TRPM2: variants seen among roughly 807,000 people sequenced by gnomAD.
The protein encoded by TRPM2 is transient receptor potential cation channel subfamily M member 2.
Under a neutral mutation model 174.0 loss-of-function variants are expected in TRPM2, and 161 were observed. That is an observed-to-expected ratio of 0.93 (90% CI 0.81 to 1.05). The LOEUF (loss-of-function observed/expected upper bound fraction) is 1.05. Among genes scored for constraint, TRPM2 ranks in the 50% least tolerant of loss-of-function variants. The pLI is 0.00. For missense variants in TRPM2, 2,057 were observed against 2,038.0 expected (o/e 1.01, Z -0.18); for synonymous variants, 954 against 861.3 (o/e 1.11, Z -1.88).
At position 44,353,745 on chromosome 21, in the gene TRPM2, G is replaced by A; in HGVS notation, c.45G>A (p.Glu15=). 3 of 1,589,536 alleles carry A rather than the reference G, an allele frequency of 1.9e-6. No homozygotes were observed. Among genetic ancestry groups the A allele is most frequent in the Non-Finnish European group, 8.5e-7 (1 of 1,170,274 alleles). The change falls in exon 1 of 32, where the codon GAG becomes GAA. Residue 15 remains glutamate, a synonymous_variant. Transcript: ENST00000397928. Reference sequence around the variant, plus strand: ...GGAAAGCTGGCTCGGAGCAGGAGGAGGGCTTTGAGGGGCTGCCCAGAAGGG... The same window carrying A: ...GGAAAGCTGGCTCGGAGCAGGAGGAAGGCTTTGAGGGGCTGCCCAGAAGGG... ...ALRKAGSEQE[E]GFEGLPRRVT...
At position 44,391,575 on chromosome 21, in the gene TRPM2, CACA is replaced by C. The variant is rs1569052678; in HGVS notation, c.1747_1749del (p.Asn583del). The C allele has an allele frequency of 1.3e-5, 21 of 1,592,132 alleles. No homozygotes were observed. Among genetic ancestry groups the C allele is most frequent in the Non-Finnish European group, 1.7e-5 (20 of 1,175,148 alleles). On this transcript the variant is annotated inframe_deletion, in exon 11 of 32. Coordinates refer to ENST00000397928, the MANE Select transcript of TRPM2 (RefSeq NM_003307.4). This position sits in a 1 kb window ranked among gnomAD's most constrained non-coding sequence, Gnocchi z 5.0. ...GCAGCCGCTTTATCCCCGGCCCCGG[CACA>C]ACGACCGGCTGCGGCTCCTGCTGCC...
Position 44,397,886 on chromosome 21 carries a change from G to T in TRPM2, c.2062+10G>T. ...GAGCACAGAGCCATCGGTGAGCTCT[G>T]CCGGGCACGGGCTGCAGGCCATGGC... On this transcript the variant is annotated intron_variant, in intron 13 of 31. Coordinates refer to ENST00000397928, the MANE Select transcript of TRPM2 (RefSeq NM_003307.4). 1 of 1,588,178 alleles carries T rather than the reference G, an allele frequency of 6.3e-7. No homozygotes were observed. The highest frequency in any genetic ancestry group is 8.6e-7 in the Non-Finnish European group (1 of 1,167,578).
intron 9 of TRPM2, among the ~76,000 whole-genome samples, chr21:44,386,645 A>G (rs972164890): frequency 3.3e-5 from 5 of 152,188 alleles, no homozygotes; most frequent in African/African-American, 1.2e-4. Context: ...GGAAGCCTTA[A>G]TATTGTTAAG....
chr21:44,399,644 A>T lies in TRPM2; in HGVS notation c.2208+203A>T, dbSNP rs554840269. Among the ~76,000 whole-genome samples the T allele has an allele frequency of 6.6e-6, 1 of 152,182 alleles. No homozygotes were observed. The highest frequency in any genetic ancestry group is 2.4e-5 in the African/African-American group (1 of 41,450). On this transcript the variant is annotated intron_variant, in intron 14 of 31. Transcript: ENST00000397928. This position sits in a 1 kb window ranked among gnomAD's most constrained non-coding sequence, Gnocchi z 4.6. ...GATGGGGGGAAGCTAACATGAAGCA[A>T]AAGCAGGAGCTGGTGGCCATGGAGA...
chr21:44,389,004 C>T (rs2049095221), intron 9 of TRPM2, among the ~76,000 whole-genome samples: 1 of 152,180 alleles, frequency 6.6e-6, no homozygotes, highest in African/African-American at 2.4e-5. Context: ...CAAGCACAGA[C>T]ACCGTGACCC....
At chr21:44,407,036 C>G (rs997095894) in intron 19 of TRPM2, among the ~76,000 whole-genome samples, 99 of 149,846 alleles carry the variant, frequency 6.6e-4, no homozygotes, top group African/African-American at 2.4e-3. Context: ...GGGGCATCAG[C>G]TGACAGCCCC....
chr21:44,426,760 C>T (rs747237003), intron 26 of TRPM2, 24 bp downstream of exon 26: 7 of 1,612,830 alleles, frequency 4.3e-6, no homozygotes, highest in Non-Finnish European at 5.9e-6. Flanking sequence ...GCTGTCCGTG[C>T]TCCCAGCTGG....
intron 9 of TRPM2, among the ~76,000 whole-genome samples, chr21:44,385,641 C>G (rs1365722416): frequency 6.6e-6 from 1 of 152,152 alleles, no homozygotes; most frequent in African/African-American, 2.4e-5. Flanking sequence ...TCCATTTTCA[C>G]ACTGCTATAA....
chr21:44,435,107 T>C, intron 27 of TRPM2, 24 bp from the exon 28 acceptor site: 2 of 1,606,574 alleles, frequency 1.2e-6, no homozygotes, highest in Non-Finnish European at 1.7e-6. Flanking sequence ...GACGGTGGAC[T>C]GACTCAACCC....
Position 44,399,768 on chromosome 21 carries a change from A to G in TRPM2, c.2208+327A>G, listed in dbSNP as rs2049551547. 6.6e-6 allele frequency among the ~76,000 whole-genome samples: 1 copy of G among 152,170 alleles called. No homozygotes were observed. The highest frequency in any genetic ancestry group is 2.4e-5 in the African/African-American group (1 of 41,450). On this transcript the variant is annotated intron_variant, in intron 14 of 31. Coordinates refer to ENST00000397928, the MANE Select transcript of TRPM2 (RefSeq NM_003307.4). This position sits in a 1 kb window ranked among gnomAD's most constrained non-coding sequence, Gnocchi z 4.6. ...GTCTGCCCTCTCTCCCTGGAGGGAT[A>G]AGCGGGACACGGCGTGTCCTCCCTG...
At chr21:44,414,692 T>C (rs2050220449) in intron 20 of TRPM2, 1 of 152,300 alleles carries the variant, frequency 6.6e-6, no homozygotes, top group African/African-American at 2.4e-5. Context: ...GTGTTTCTAT[T>C]AGGGAAGGTT....
Position 44,391,659 on chromosome 21 carries a change from G to C in TRPM2, c.1794+34G>C, listed in dbSNP as rs141482147. ...TGGTAACGGGGCCCATCCTGGACTC[G>C]TCTTCGCGGGCTACTGCTATGTTCT... On this transcript the variant is annotated intron_variant, in intron 11 of 31. Transcript: ENST00000397928. The surrounding 1 kb of genome is among the most constrained non-coding windows in gnomAD (Gnocchi z 5.0). 3,160 of 1,509,182 alleles carry C rather than the reference G, an allele frequency of 2.1e-3. 10 individuals are homozygous for C. Among genetic ancestry groups the C allele is most frequent in the Non-Finnish European group, 2.6e-3 (2,942 of 1,130,618 alleles). 93.5% of individuals were successfully genotyped at this position (1,509,182 alleles called of 1,614,324 possible).
rs1013564303 is a variant in TRPM2 at position 44,383,586 on chromosome 21, G to A, written c.1318+766G>A. ...TTGTGCATAAAACCTCACACAAACA[G>A]CGAGATGATAGACTACATATTAGAC... is the stretch of plus-strand genomic sequence containing the variant. On this transcript the variant is annotated intron_variant, in intron 9 of 31. Coordinates refer to ENST00000397928, the MANE Select transcript of TRPM2 (RefSeq NM_003307.4). Among the ~76,000 whole-genome samples, 3 of 152,186 alleles carry A rather than the reference G, an allele frequency of 2.0e-5. No individual in the cohort carries two copies. In the South Asian group the frequency reaches 6.2e-4, roughly 31 times the overall value.
At chr21:44,407,673 TA>T (rs1331795573) in intron 19 of TRPM2, among the ~76,000 whole-genome samples, 1 of 151,746 alleles carries the variant, frequency 6.6e-6, no homozygotes, top group Non-Finnish European at 1.5e-5. Context: ...GGGCGTTTCA[TA>T]GAAACTGGAT....
chr21:44,370,538 G>C (rs1227019222), intron 5 of TRPM2, among the ~76,000 whole-genome samples: 1 of 152,168 alleles, frequency 6.6e-6, no homozygotes, highest in Non-Finnish European at 1.5e-5. Flanking sequence ...AAAGCCCAGG[G>C]AACACTGGCC....
At chr21:44,356,228 G>C (rs1205517661) in intron 2 of TRPM2, among the ~76,000 whole-genome samples, 1 of 148,810 alleles carries the variant, frequency 6.7e-6, no homozygotes, top group African/African-American at 2.5e-5. Flanking sequence ...TTTAGTCTGC[G>C]TTTGGCTGAA....
At chr21:44,395,278 A>G in intron 11 of TRPM2, 136 bp from the exon 12 acceptor site, 2 of 1,044,476 alleles carry the variant, frequency 1.9e-6, no homozygotes, top group Non-Finnish European at 2.7e-6. Context: ...CTGAAAATGC[A>G]GGTTGTAGTT....
At chr21:44,430,158 C>T (rs962406750) in intron 27 of TRPM2, among the ~76,000 whole-genome samples, 6 of 152,144 alleles carry the variant, frequency 3.9e-5, no homozygotes, top group African/African-American at 9.7e-5. Flanking sequence ...AATTTACTAA[C>T]ATTTTACTTA....
At chr21:44,407,131 A>ATTCCTCCCTTCCTCCCTCCC (rs1555897602) in intron 19 of TRPM2, among the ~76,000 whole-genome samples, 2 of 5,868 alleles carry the variant, frequency 3.4e-4, no homozygotes, top group Non-Finnish European at 7.0e-4. Context: ...GAAATAATTC[A>ATTCCTCCCTTCCTCCCTCCC]TTCCTCCCTT....
Sources: allele counts gnomAD v4.1 joint callset (sites outside exome capture counted in the v4.1 genomes callset), GRCh38; gene constraint gnomAD v4.1.1; non-coding constraint Gnocchi (gnomAD v3.1); transcripts MANE v1.5; gene names NCBI Gene and HGNC (gene_info 2026-07-23, HGNC 2026-07-21).